Variants in NT5C2 observed in about 807,000 individuals in gnomAD.
The protein encoded by NT5C2 is 5'-nucleotidase, cytosolic II, also known as cytosolic purine 5'-nucleotidase.
In NT5C2, 58 loss-of-function variants were observed where a neutral mutation model predicts 76.1. The observed-to-expected ratio is 0.76, with a 90% CI of 0.62 to 0.95. NT5C2 has a LOEUF of 0.95. Among genes scored for constraint, NT5C2 ranks in the 40% least tolerant of loss-of-function variants. NT5C2 has a pLI of 0.00. For synonymous variants in NT5C2, 229 were observed against 237.4 expected (o/e 0.96, Z 0.32); for missense variants, 478 against 690.3 (o/e 0.69, Z 3.45).
At chr10:103,183,262 GATATATATATATATATATAT>G (rs201371414) in intron 1 of NT5C2, among the ~76,000 whole-genome samples, 1 of 73,344 alleles carries the variant, frequency 1.4e-5, no homozygotes, top group Non-Finnish European at 2.3e-5. Flanking sequence ...GTGTGTGTGT[GATATATATATATATATATAT>G]ATATATATAT....
At chr10:103,114,110 A>C (rs1444934809) in intron 4 of NT5C2, among the ~76,000 whole-genome samples, 11 of 152,188 alleles carry the variant, frequency 7.2e-5, no homozygotes, top group African/African-American at 2.7e-4. Flanking sequence ...GTAGTCTCTC[A>C]ACTGTATAAC....
Position 103,089,852 on chromosome 10 carries a change from A to G in NT5C2, c.1506T>C (p.Ser502=), listed in dbSNP as rs2066234998. ...ATGTGCGGTTCCGGGTGGCAAGAGG[A>G]GACTCCATCTCATTGATATCTACGT... is the stretch of plus-strand genomic sequence containing the variant. ...HTHVDINEME[S]PLATRNRTSV... Residue 502 remains serine (S), a synonymous_variant, in exon 19 of 19, where the codon TCT becomes TCC. Coordinates refer to ENST00000404739, the MANE Select transcript of NT5C2 (RefSeq NM_001351169.2). 2 of 1,613,994 alleles carry G rather than the reference A, an allele frequency of 1.2e-6. No individual in the cohort carries two copies. Among genetic ancestry groups the G allele is most frequent in the Non-Finnish European group, 1.7e-6 (2 of 1,179,976 alleles).
intron 6 of NT5C2, 32 bp downstream of exon 6, chr10:103,105,674 T>C: frequency 7.3e-7 from 1 of 1,374,380 alleles, no homozygotes; most frequent in Non-Finnish European, 1.0e-6. Context: ...GACTTTAACA[T>C]TAGAAAGAGG....
intron 4 of NT5C2, among the ~76,000 whole-genome samples, chr10:103,114,586 T>C (rs897023153): frequency 1.3e-5 from 2 of 152,322 alleles, no homozygotes; most frequent in East Asian, 1.9e-4. Flanking sequence ...TCCCATTTAA[T>C]TGAAGTGTTT....
At chr10:103,120,789 G>C (rs1386375345) in intron 4 of NT5C2, among the ~76,000 whole-genome samples, 1 of 152,094 alleles carries the variant, frequency 6.6e-6, no homozygotes, top group Non-Finnish European at 1.5e-5. Flanking sequence ...CCATTCCTGG[G>C]TATATACCCA....
intron 1 of NT5C2, among the ~76,000 whole-genome samples, chr10:103,190,904 A>T (rs994789605): frequency 3.3e-5 from 5 of 152,218 alleles, no homozygotes; most frequent in Non-Finnish European, 7.3e-5. Context: ...GAATTCTCTA[A>T]ATACATGGAC....
chr10:103,147,200 T>G (rs2081624882), intron 3 of NT5C2, among the ~76,000 whole-genome samples: 1 of 152,208 alleles, frequency 6.6e-6, no homozygotes, highest in Non-Finnish European at 1.5e-5. Flanking sequence ...CTTAAGAACT[T>G]TTAGTCATCG....
chr10:103,163,868 A>C (rs1242945317), intron 3 of NT5C2, among the ~76,000 whole-genome samples: 8 of 117,160 alleles, frequency 6.8e-5, no homozygotes, highest in Non-Finnish European at 1.5e-4. Flanking sequence ...TACAAAAAAA[A>C]AACAAAAAAA....
At chr10:103,169,264 T>C (rs981855508) in intron 3 of NT5C2, 3 of 152,324 alleles carry the variant, frequency 2.0e-5, no homozygotes, top group Admixed American at 6.5e-5. Context: ...AAAAGACATA[T>C]ACATATACAC....
At chr10:103,162,236 G>C (rs1344310297) in intron 3 of NT5C2, among the ~76,000 whole-genome samples, 1 of 151,808 alleles carries the variant, frequency 6.6e-6, no homozygotes, top group African/African-American at 2.4e-5. Flanking sequence ...GGATGGTCTC[G>C]ATCTCTTGAC....
At chr10:103,137,736 CCCA>C (rs1453239066) in intron 4 of NT5C2, among the ~76,000 whole-genome samples, 1 of 152,160 alleles carries the variant, frequency 6.6e-6, no homozygotes, top group Admixed American at 6.5e-5. Context: ...ATCCCTCATC[CCCA>C]CTACTTCTTA....
intron 3 of NT5C2, among the ~76,000 whole-genome samples, chr10:103,141,458 CA>C (rs1047539311): frequency 6.6e-6 from 1 of 151,608 alleles, no homozygotes; most frequent in African/African-American, 2.4e-5. Flanking sequence ...ACCCTGTTCC[CA>C]AAAAAATAAC....
intron 4 of NT5C2, among the ~76,000 whole-genome samples, chr10:103,139,084 A>G (rs947937335): frequency 1.3e-5 from 2 of 152,218 alleles, no homozygotes; most frequent in African/African-American, 4.8e-5. Flanking sequence ...TCTCATACCT[A>G]AAGAATGGCT....
chr10:103,184,291 CAG>C (rs1338942077), intron 1 of NT5C2, among the ~76,000 whole-genome samples: 1 of 152,098 alleles, frequency 6.6e-6, no homozygotes, highest in Non-Finnish European at 1.5e-5. Flanking sequence ...TATTTTCATT[CAG>C]AGTTCTTTAT....
chr10:103,121,950 G>C (rs2135717126), intron 4 of NT5C2, among the ~76,000 whole-genome samples: 1 of 152,266 alleles, frequency 6.6e-6, no homozygotes. Context: ...GAGGAGGGCA[G>C]ATCACCTGAG....
intron 1 of NT5C2, among the ~76,000 whole-genome samples, chr10:103,188,858 C>T (rs7091462): frequency 0.15 from 22,804 of 151,794 alleles, 1,779 homozygotes; most frequent in Middle Eastern, 0.22. Context: ...AAAAATTAGC[C>T]GGGCACAGTG....
intron 4 of NT5C2, among the ~76,000 whole-genome samples, chr10:103,132,459 T>C (rs75287094): frequency 0.023 from 3,505 of 152,288 alleles, 82 homozygotes; most frequent in South Asian, 0.12. Context: ...TTTATAATTG[T>C]ACTATGGTCA....
intron 3 of NT5C2, among the ~76,000 whole-genome samples, chr10:103,156,755 CA>C (rs61148858): frequency 2.3e-4 from 32 of 138,640 alleles, no homozygotes; most frequent in Middle Eastern, 4.1e-3. Flanking sequence ...AACTCTATCT[CA>C]AAAAAAAAAA....
intron 4 of NT5C2, among the ~76,000 whole-genome samples, chr10:103,109,345 A>C (rs2135374160): frequency 6.6e-6 from 1 of 152,280 alleles, no homozygotes; most frequent in South Asian, 2.1e-4. Flanking sequence ...TAAAACCATA[A>C]GGCATGGCAC....
Sources: gnomAD v4.1 joint callset for allele counts (sites outside exome capture counted in the v4.1 genomes callset) on GRCh38, gnomAD v4.1.1 for gene constraint, MANE v1.5 for transcripts, NCBI Gene and HGNC (gene_info 2026-07-23, HGNC 2026-07-21) for gene names.